Variants in ACOT7 observed in about 807,000 individuals in gnomAD.
The protein encoded by ACOT7 is cytosolic acyl coenzyme A thioester hydrolase.
In ACOT7, 12 loss-of-function variants were observed where a neutral mutation model predicts 40.2. That is an observed-to-expected ratio of 0.30 (90% CI 0.19 to 0.48). The LOEUF (loss-of-function observed/expected upper bound fraction) is 0.48, where lower values mean the gene tolerates loss of function less well. Ranked by LOEUF, ACOT7 falls within the 20% of genes least tolerant of loss-of-function variation. The pLI is 0.99. For missense variants in ACOT7, 395 were observed against 530.8 expected, an observed-to-expected ratio of 0.74 and a Z score of 2.51; for synonymous variants, 228 against 219.5, an observed-to-expected ratio of 1.04 and a Z score of -0.34.
chr1:6,290,907 CT>C (rs1639644027), intron 7 of ACOT7, among the ~76,000 whole-genome samples: 1 of 152,206 alleles, frequency 6.6e-6, no homozygotes, highest in Admixed American at 6.5e-5. Flanking sequence ...TGGGGGGCCC[CT>C]GGGGGACTGC....
At chr1:6,276,100 C>T (rs1157373030) in intron 8 of ACOT7, among the ~76,000 whole-genome samples, 2 of 152,142 alleles carry the variant, frequency 1.3e-5, no homozygotes, top group Non-Finnish European at 2.9e-5. Context: ...GCCCTGTCTA[C>T]ACCTCCTCCT....
chr1:6,313,762 CA>C (rs1640407889), intron 6 of ACOT7, among the ~76,000 whole-genome samples: 1 of 151,982 alleles, frequency 6.6e-6, no homozygotes, highest in Non-Finnish European at 1.5e-5. Context: ...TCCCCAGCAC[CA>C]CGGGGCTGCC....
chr1:6,329,819 C>A (rs1397176731), intron 4 of ACOT7, among the ~76,000 whole-genome samples: 4 of 152,146 alleles, frequency 2.6e-5, no homozygotes, highest in East Asian at 1.9e-4. Flanking sequence ...TTGAAAAAAA[C>A]CAAAGCATCC....
At chr1:6,285,225 CAGAGCCCCATT>C (rs1255010166) in intron 7 of ACOT7, among the ~76,000 whole-genome samples, 1 of 152,210 alleles carries the variant, frequency 6.6e-6, no homozygotes. Context: ...TCAAGCTGGC[CAGAGCCCCATT>C]AGAGCCCCAG....
At chr1:6,382,124 C>T (rs1400986723) in intron 1 of ACOT7, among the ~76,000 whole-genome samples, 2 of 106,002 alleles carry the variant, frequency 1.9e-5, no homozygotes, top group African/African-American at 7.4e-5. Flanking sequence ...GGCGAAAGTG[C>T]AAGACTTGGC....
chr1:6,331,110 C>CA (rs1321589169), intron 4 of ACOT7, among the ~76,000 whole-genome samples: 4 of 152,306 alleles, frequency 2.6e-5, no homozygotes, highest in African/African-American at 9.6e-5. Context: ...AAAATGACCA[C>CA]AACTTCCATC....
intron 7 of ACOT7, among the ~76,000 whole-genome samples, chr1:6,291,363 A>G (rs1639658401): frequency 6.6e-6 from 1 of 152,008 alleles, no homozygotes; most frequent in Non-Finnish European, 1.5e-5. Context: ...TGACGCAGCC[A>G]CAAGCCAAGA....
chr1:6,307,226 G>C (rs1219076670), intron 6 of ACOT7, among the ~76,000 whole-genome samples: 1 of 152,274 alleles, frequency 6.6e-6, no homozygotes, highest in Non-Finnish European at 1.5e-5. Flanking sequence ...TCGAGTTAGA[G>C]AGCGGTCATT....
chr1:6,370,906 GTTCAAGTGA>G (rs1349467673), intron 1 of ACOT7, among the ~76,000 whole-genome samples: 2 of 152,002 alleles, frequency 1.3e-5, no homozygotes, highest in Non-Finnish European at 2.9e-5. Flanking sequence ...TGCCACCTGA[GTTCAAGTGA>G]TTCTCCTACC....
chr1:6,267,541 C>T (rs1557622305), intron 8 of ACOT7, among the ~76,000 whole-genome samples: 1 of 152,238 alleles, frequency 6.6e-6, no homozygotes, highest in Non-Finnish European at 1.5e-5. Flanking sequence ...GGAGATGATG[C>T]CTCTCTGATG....
chr1:6,375,862 C>T (rs541884873), intron 1 of ACOT7, among the ~76,000 whole-genome samples: 1 of 151,448 alleles, frequency 6.6e-6, no homozygotes, highest in African/African-American at 2.4e-5. Context: ...GGCATGAACC[C>T]GGGAGGTGGA....
At position 6,352,716 on chromosome 1, in the gene ACOT7, G is replaced by A. The variant is rs1641628946; in HGVS notation, c.144-2850C>T. 6.6e-6 allele frequency among the ~76,000 whole-genome samples: 1 copy of A among 150,458 alleles called. No homozygotes were observed. Among genetic ancestry groups the A allele is most frequent in the Non-Finnish European group, 1.5e-5 (1 of 67,796 alleles). On this transcript the variant is annotated intron_variant, in intron 1 of 8. Transcript: ENST00000361521. The surrounding 1 kb of genome is among the most constrained non-coding windows in gnomAD (Gnocchi z 4.5). ...TCCTGCCTCAGCCTCCCGAGTAGCTGGCACTACAGGCGCCCGCCACCACGC... is the reference window on the plus strand; with the variant it reads ...TCCTGCCTCAGCCTCCCGAGTAGCTAGCACTACAGGCGCCCGCCACCACGC...
At chr1:6,283,966 G>A (rs1423297883) in intron 7 of ACOT7, among the ~76,000 whole-genome samples, 1 of 152,190 alleles carries the variant, frequency 6.6e-6, no homozygotes, top group Non-Finnish European at 1.5e-5. Flanking sequence ...CTGCACTCTA[G>A]CCTGGGTGAC....
intron 5 of ACOT7, among the ~76,000 whole-genome samples, chr1:6,325,645 C>A (rs1055326021): frequency 6.6e-6 from 1 of 152,170 alleles, no homozygotes; most frequent in Non-Finnish European, 1.5e-5. Context: ...CAGACTGAGT[C>A]AGAGACACAC....
rs1639743035 is a variant in ACOT7, at chr1:6,294,021, C to T, written c.829+843G>A. ...GAGAGCCAAGCTTGCACTTCTTCCA[C>T]TCTCGCTTCCCACGACAAGGGGCTG... is the stretch of plus-strand genomic sequence containing the variant. On this transcript the variant is annotated intron_variant, in intron 7 of 8. Transcript: ENST00000361521. The surrounding 1 kb of genome is among the most constrained non-coding windows in gnomAD (Gnocchi z 4.6). Among the ~76,000 whole-genome samples the T allele has an allele frequency of 6.6e-6, 1 of 152,226 alleles. No homozygotes were observed.
In ACOT7 at chr1:6,352,042, C is replaced by T. The variant is rs1641606720; in HGVS notation, c.144-2176G>A. On this transcript the variant is annotated intron_variant, in intron 1 of 8. Transcript: ENST00000361521. The surrounding 1 kb of genome is among the most constrained non-coding windows in gnomAD (Gnocchi z 4.5). The stretch of plus-strand genomic sequence containing the variant: ...CGCCAGCTGGCTACCACGGGCCTGG[C>T]CGCCTTTCTTCGGCACCTTGGGTCC... Among the ~76,000 whole-genome samples, 1 of 152,178 alleles carries T rather than the reference C, an allele frequency of 6.6e-6. No individual in the cohort carries two copies. Among genetic ancestry groups the T allele is most frequent in the Admixed American group, 6.5e-5 (1 of 15,284 alleles).
chr1:6,268,490 C>T (rs914277692), intron 8 of ACOT7, among the ~76,000 whole-genome samples: 11 of 152,222 alleles, frequency 7.2e-5, no homozygotes, highest in Admixed American at 2.0e-4. Flanking sequence ...GATCTCCAGG[C>T]CCCAAAGAGA....
Position 6,274,679 on chromosome 1 carries a change from C to T in ACOT7, c.1014+6423G>A, listed in dbSNP as rs557433569. On this transcript the variant is annotated intron_variant, in intron 8 of 8. Coordinates refer to ENST00000361521, the MANE Select transcript of ACOT7 (RefSeq NM_007274.4). This position sits in a 1 kb window ranked among gnomAD's most constrained non-coding sequence, Gnocchi z 5.9. The stretch of plus-strand genomic sequence containing the variant: ...CCCCAGCAGAGGCAAAAGAATCAAA[C>T]TGGAGTGGAAAACTTTCCACTAAAA... 1.7e-4 allele frequency among the ~76,000 whole-genome samples: 26 copies of T among 152,344 alleles called. No individual in the cohort carries two copies. Among genetic ancestry groups the T allele is most frequent in the African/African-American group, 5.3e-4 (22 of 41,578 alleles).
At chr1:6,339,310 T>C in intron 3 of ACOT7, 123 bp downstream of exon 3, 1 of 1,365,434 alleles carries the variant, frequency 7.3e-7, no homozygotes, top group Non-Finnish European at 1.0e-6. Context: ...TGGTGGGAGG[T>C]GAGAGAGGTC....
Sources: allele counts gnomAD v4.1 joint callset (sites outside exome capture counted in the v4.1 genomes callset), GRCh38; gene constraint gnomAD v4.1.1; non-coding constraint Gnocchi (gnomAD v3.1); transcripts MANE v1.5; gene names NCBI Gene and HGNC (gene_info 2026-07-23, HGNC 2026-07-21).